ABCB4: variants seen among roughly 807,000 people sequenced by gnomAD.
ABCB4 encodes phosphatidylcholine translocator ABCB4.
A neutral mutation model predicts 145.7 loss-of-function variants in ABCB4; 76 were observed. The observed-to-expected ratio is 0.52, with a 90% CI of 0.43 to 0.63. ABCB4 has a LOEUF of 0.63. Among genes scored for constraint, ABCB4 ranks in the 30% least tolerant of loss-of-function variants. The probability of loss-of-function intolerance (pLI) is 0.00; values close to 1 mark genes in which losing one functional copy is unlikely to be tolerated. For synonymous variants in ABCB4, 517 were observed against 566.8 expected, an observed-to-expected ratio of 0.91 and a Z score of 1.25; for missense variants, 1,234 against 1,553.1, an observed-to-expected ratio of 0.79 and a Z score of 3.45.
At chr7:87,463,683 C>A (rs892831409) in intron 3 of ABCB4, among the ~76,000 whole-genome samples, 1 of 152,102 alleles carries the variant, frequency 6.6e-6, no homozygotes, top group Non-Finnish European at 1.5e-5. Context: ...GGGCACAGTA[C>A]AAAGTGTGGG....
In ABCB4 at chr7:87,449,982, G is replaced by A. The variant is rs1811600594; in HGVS notation, c.819C>T (p.Asn273=). 6.2e-7 allele frequency: 1 copy of A among 1,614,114 alleles called. No homozygotes were observed. The highest frequency in any genetic ancestry group is 8.5e-7 in the Non-Finnish European group (1 of 1,179,986). The change falls in exon 8 of 28, where the codon AAC becomes AAT. Residue 273 remains asparagine (N), a synonymous_variant. Transcript: ENST00000649586. ...ACCTTCCTGACCTTTCCAGCTCTTT[G>A]TTCTGGCCCCCGAAAGCTATCACAG... ...IRTVIAFGGQ[N]KELERYQKHL...
intron 8 of ABCB4, among the ~76,000 whole-genome samples, chr7:87,447,602 CAGTT>C (rs1811434468): frequency 6.6e-6 from 1 of 152,212 alleles, no homozygotes; most frequent in South Asian, 2.1e-4. Flanking sequence ...AACTCATAAA[CAGTT>C]AGATTCTTAA....
intron 8 of ABCB4, among the ~76,000 whole-genome samples, chr7:87,448,857 T>A (rs1339876697): frequency 6.6e-6 from 1 of 152,152 alleles, no homozygotes; most frequent in Non-Finnish European, 1.5e-5. Context: ...GCTAGAGAAT[T>A]TCCAGAGAAT....
the ABCB4 span, among the ~76,000 whole-genome samples, chr7:87,395,927 A>G: frequency 6.6e-5 from 10 of 152,204 alleles, no homozygotes; most frequent in Admixed American, 6.5e-4. Context: ...GAACATCATG[A>G]AAGTCTGGAA....
chr7:87,443,553 A>AC, intron 11 of ABCB4, 109 bp from the exon 12 acceptor site: 4 of 1,546,704 alleles, frequency 2.6e-6, no homozygotes, highest in Non-Finnish European at 3.5e-6. Flanking sequence ...AGGGAATATA[A>AC]CCCCCAAAGG....
chr7:87,371,941 CTG>C, the ABCB4 span, among the ~76,000 whole-genome samples: 5 of 146,168 alleles, frequency 3.4e-5, no homozygotes, highest in African/African-American at 1.3e-4. Context: ...CTGCAGTGAG[CTG>C]TGATTACGCC....
At chr7:87,391,752 A>C in the ABCB4 span, 1 of 1,590,804 alleles carries the variant, frequency 6.3e-7, no homozygotes, top group Non-Finnish European at 8.5e-7. Flanking sequence ...AGATTTGTTT[A>C]ATTGTTCTAA....
chr7:87,450,084 C>T lies in ABCB4; in HGVS notation c.717G>A (p.Ser239=), dbSNP rs770169131. The T allele has an allele frequency of 3.5e-5, 57 of 1,613,878 alleles. No individual in the cohort carries two copies. In the Admixed American group the frequency reaches 6.3e-4, roughly 18 times the overall value. The change falls in exon 8 of 28, where the codon TCG becomes TCA. Residue 239 remains serine, a synonymous_variant. Transcript: ENST00000649586. ...CAGCTAGTTCTTTGTCACTAAATGC[C>T]GAGAGTATCTGGACAGAAAAGAAAC... ...LSAAVWAKIL[S]AFSDKELAAY...
chr7:87,406,163 C>T, intron 26 of ABCB4, 125 bp downstream of exon 26: 6 of 990,668 alleles, frequency 6.1e-6, no homozygotes, highest in Non-Finnish European at 9.5e-6. Context: ...CCTGAAGTGC[C>T]TTGTCCAAGT....
chr7:87,470,228 T>A (rs904768901), intron 3 of ABCB4, among the ~76,000 whole-genome samples: 1 of 152,166 alleles, frequency 6.6e-6, no homozygotes, highest in African/African-American at 2.4e-5. Context: ...TCAAGATGGA[T>A]TAAAGACTTA....
In ABCB4 at chr7:87,403,301, T is replaced by C. The variant is rs374359271; in HGVS notation, c.3487-20A>G. On this transcript the variant is annotated intron_variant, in intron 26 of 27. Transcript: ENST00000649586. ...ATATTTCTGCAAGTTAACCAAATTATAAATATGTTGAATGAACTGTTGCTT... is the reference window on the plus strand; with the variant it reads ...ATATTTCTGCAAGTTAACCAAATTACAAATATGTTGAATGAACTGTTGCTT... The C allele has an allele frequency of 2.1e-5, 34 of 1,606,910 alleles. No individual in the cohort carries two copies. The highest frequency in any genetic ancestry group is 1.7e-5 in the Non-Finnish European group (20 of 1,173,700).
At chr7:87,458,661 A>C (rs1436297594) in intron 4 of ABCB4, among the ~76,000 whole-genome samples, 1 of 152,184 alleles carries the variant, frequency 6.6e-6, no homozygotes, top group Non-Finnish European at 1.5e-5. Flanking sequence ...ATTGTCTTCT[A>C]AGAGGTATGA....
At chr7:87,421,353 GT>G (rs4148827) in intron 18 of ABCB4, among the ~76,000 whole-genome samples, 3 of 152,200 alleles carry the variant, frequency 2.0e-5, no homozygotes, top group East Asian at 3.9e-4. Context: ...ATTGCTACAG[GT>G]TCTATGCATC....
chr7:87,412,125 T>C, intron 22 of ABCB4, 92 bp from the exon 23 acceptor site: 2 of 1,424,518 alleles, frequency 1.4e-6, no homozygotes, highest in Non-Finnish European at 2.0e-6. Flanking sequence ...TCTGGCCGAG[T>C]GGGTTTAAGT....
intron 2 of ABCB4, among the ~76,000 whole-genome samples, chr7:87,473,150 T>G (rs139760200): frequency 6.6e-6 from 1 of 152,362 alleles, no homozygotes; most frequent in East Asian, 1.9e-4. Context: ...GTCTCTCCAC[T>G]TCCACCTATG....
At chr7:87,449,577 G>A (rs1811569323) in intron 8 of ABCB4, among the ~76,000 whole-genome samples, 2 of 150,536 alleles carry the variant, frequency 1.3e-5, no homozygotes, top group Admixed American at 1.3e-4. Context: ...GGGACCACAG[G>A]TGCACACCAC....
At chr7:87,451,851 A>G (rs933380062) in intron 6 of ABCB4, 57 bp from the exon 7 acceptor site, 5 of 1,541,210 alleles carry the variant, frequency 3.2e-6, no homozygotes, top group Non-Finnish European at 3.6e-6. Flanking sequence ...AGAAAGATGA[A>G]GTAGACATCC....
chr7:87,464,400 G>A (rs888049971), intron 3 of ABCB4, among the ~76,000 whole-genome samples: 1 of 152,184 alleles, frequency 6.6e-6, no homozygotes, highest in African/African-American at 2.4e-5. Context: ...ATGGAGCTGG[G>A]TCCCTAAAAT....
intron 6 of ABCB4, among the ~76,000 whole-genome samples, chr7:87,452,190 T>C (rs1421092353): frequency 6.6e-6 from 1 of 152,172 alleles, no homozygotes; most frequent in Non-Finnish European, 1.5e-5. Context: ...TCTTTGCTTC[T>C]ACTCTTGTCC....
Sources: allele counts gnomAD v4.1 joint callset (sites outside exome capture counted in the v4.1 genomes callset), GRCh38; gene constraint gnomAD v4.1.1; transcripts MANE v1.5; gene names NCBI Gene and HGNC (gene_info 2026-07-23, HGNC 2026-07-21).